DCC: variants seen among roughly 807,000 people sequenced by gnomAD.
DCC encodes the protein netrin receptor DCC.
DCC carries 58 observed loss-of-function variants against 172.5 expected under a neutral mutation model. The observed-to-expected ratio is 0.34, with a 90% CI of 0.27 to 0.42. DCC has a LOEUF of 0.42. Ranked by LOEUF, DCC falls within the 10% of genes least tolerant of loss-of-function variation. The pLI, the probability that DCC is intolerant of heterozygous loss-of-function variation, is 1.00. For synonymous variants in DCC, 709 were observed against 644.5 expected (o/e 1.10, Z -1.52); for missense variants, 1,740 against 1,791.0 (o/e 0.97, Z 0.51).
chr18:53,431,323 T>A (rs1356681204), intron 21 of DCC, among the ~76,000 whole-genome samples: 2 of 152,040 alleles, frequency 1.3e-5, no homozygotes, highest in Non-Finnish European at 2.9e-5. Context: ...TCCAAAGTTG[T>A]TAAGTGAAAA....
At chr18:52,532,198 G>T (rs1391142288) in intron 1 of DCC, among the ~76,000 whole-genome samples, 1 of 151,898 alleles carries the variant, frequency 6.6e-6, no homozygotes, top group African/African-American at 2.4e-5. Flanking sequence ...TCTATTATAG[G>T]AATAAAATAG....
intron 2 of DCC, among the ~76,000 whole-genome samples, chr18:52,865,804 T>C (rs545915932): frequency 6.6e-6 from 1 of 152,288 alleles, no homozygotes; most frequent in Admixed American, 6.5e-5. Flanking sequence ...AGGTTCAGCA[T>C]GCAAACAGAG....
At chr18:52,615,230 G>A (rs2034357493) in intron 1 of DCC, among the ~76,000 whole-genome samples, 1 of 152,188 alleles carries the variant, frequency 6.6e-6, no homozygotes, top group Non-Finnish European at 1.5e-5. Flanking sequence ...CTGAATGACT[G>A]TCAGGTTCTG....
At chr18:53,220,178 T>C (rs551818850) in intron 12 of DCC, among the ~76,000 whole-genome samples, 1 of 152,270 alleles carries the variant, frequency 6.6e-6, no homozygotes, top group East Asian at 1.9e-4. Context: ...ATCCTCTGTG[T>C]CTGGGGTATG....
At chr18:53,407,778 A>G (rs894415372) in intron 19 of DCC, among the ~76,000 whole-genome samples, 2 of 151,850 alleles carry the variant, frequency 1.3e-5, no homozygotes, top group African/African-American at 4.8e-5. Flanking sequence ...GGAGATGTGG[A>G]TCTTCATGGA....
chr18:52,624,730 C>T (rs911117178), intron 1 of DCC, among the ~76,000 whole-genome samples: 4 of 152,164 alleles, frequency 2.6e-5, no homozygotes, highest in African/African-American at 9.7e-5. Context: ...ATATCTGTTG[C>T]ACTTCTGCTA....
At chr18:53,034,764 G>A (rs574367158) in intron 5 of DCC, among the ~76,000 whole-genome samples, 9 of 151,812 alleles carry the variant, frequency 5.9e-5, no homozygotes, top group African/African-American at 2.2e-4. Flanking sequence ...TAGTCCATAA[G>A]GCCTGAAAGA....
At chr18:52,700,119 T>C (rs942131676) in intron 1 of DCC, among the ~76,000 whole-genome samples, 1 of 151,412 alleles carries the variant, frequency 6.6e-6, no homozygotes, top group Non-Finnish European at 1.5e-5. Flanking sequence ...CTCTGCTCTC[T>C]CGTTTGCGCT....
intron 12 of DCC, among the ~76,000 whole-genome samples, chr18:53,266,700 C>T (rs931925500): frequency 2.6e-5 from 4 of 151,780 alleles, no homozygotes; most frequent in Non-Finnish European, 5.9e-5. Flanking sequence ...ACACTTCAGC[C>T]ATAGGTAACC....
At chr18:53,197,733 A>G (rs1403522797) in intron 9 of DCC, among the ~76,000 whole-genome samples, 1 of 152,088 alleles carries the variant, frequency 6.6e-6, no homozygotes, top group Non-Finnish European at 1.5e-5. Flanking sequence ...AAGATTTTTA[A>G]AGAAACATAT....
chr18:53,329,087 T>C (rs1457640028), intron 14 of DCC, among the ~76,000 whole-genome samples: 2 of 152,132 alleles, frequency 1.3e-5, no homozygotes, highest in Admixed American at 6.5e-5. Flanking sequence ...TAGCAATAGA[T>C]TGAAGAGGGC....
At chr18:52,947,322 A>G (rs1598959103) in intron 5 of DCC, among the ~76,000 whole-genome samples, 1 of 152,154 alleles carries the variant, frequency 6.6e-6, no homozygotes, top group Non-Finnish European at 1.5e-5. Flanking sequence ...ATACAATGCA[A>G]ACTGTCTATA....
intron 15 of DCC, among the ~76,000 whole-genome samples, chr18:53,382,156 T>C (rs529948064): frequency 8.2e-4 from 124 of 151,940 alleles, no homozygotes; most frequent in African/African-American, 2.9e-3. Context: ...TTTTTCACTC[T>C]TTTGATAAAC....
intron 1 of DCC, among the ~76,000 whole-genome samples, chr18:52,563,102 G>A (rs2033077669): frequency 1.3e-5 from 2 of 152,088 alleles, no homozygotes; most frequent in South Asian, 4.1e-4. Flanking sequence ...GGTAGAAGTG[G>A]CAATTTTCAT....
At chr18:53,434,857 T>C (rs1212175319) in intron 21 of DCC, among the ~76,000 whole-genome samples, 2 of 152,110 alleles carry the variant, frequency 1.3e-5, no homozygotes, top group Non-Finnish European at 2.9e-5. Context: ...TGCTGCACCT[T>C]TAATAAAAGA....
In DCC at chr18:52,831,752, A is replaced by G. The variant is rs114418097; in HGVS notation, c.413-74292A>G. 2.2e-3 allele frequency among the ~76,000 whole-genome samples: 332 copies of G among 152,246 alleles called. 2 individuals carry two copies. The highest frequency in any genetic ancestry group is 7.6e-3 in the African/African-American group (316 of 41,494). ...GACAAGTTTCAACATTTAAGTGAAG[A>G]TGTTGCCTTGGCAGATAATATACAA... On this transcript the variant is annotated intron_variant, in intron 2 of 28. Transcript: ENST00000442544.
chr18:53,041,606 G>T (rs1234843030), intron 5 of DCC, among the ~76,000 whole-genome samples: 1 of 152,070 alleles, frequency 6.6e-6, no homozygotes, highest in Non-Finnish European at 1.5e-5. Flanking sequence ...ACTTTGGGCA[G>T]TATGGCCATT....
intron 1 of DCC, among the ~76,000 whole-genome samples, chr18:52,364,622 C>T (rs1407424371): frequency 2.0e-5 from 3 of 152,156 alleles, no homozygotes; most frequent in African/African-American, 7.2e-5. Context: ...TCCTTAATAC[C>T]ACCAAGGGCA....
At chr18:52,857,889 C>G (rs1320319826) in intron 2 of DCC, among the ~76,000 whole-genome samples, 1 of 152,104 alleles carries the variant, frequency 6.6e-6, no homozygotes, top group Non-Finnish European at 1.5e-5. Context: ...AATTAGAACT[C>G]CCTTTTTAAA....
Sources: gnomAD v4.1 joint callset for allele counts (sites outside exome capture counted in the v4.1 genomes callset) on GRCh38, gnomAD v4.1.1 for gene constraint, MANE v1.5 for transcripts, NCBI Gene and HGNC (gene_info 2026-07-23, HGNC 2026-07-21) for gene names.